The following CNOT6L variants were observed in gnomAD, a reference collection of about 807,000 sequenced individuals.
The protein encoded by CNOT6L is CCR4-NOT transcription complex subunit 6 like.
Under a neutral mutation model 64.0 loss-of-function variants are expected in CNOT6L, and 7 were observed. That is an observed-to-expected ratio of 0.11 (90% CI 0.06 to 0.21). The LOEUF (loss-of-function observed/expected upper bound fraction) is 0.21. Among genes scored for constraint, CNOT6L ranks in the 10% least tolerant of loss-of-function variants. The pLI, the probability that CNOT6L is intolerant of heterozygous loss-of-function variation, is 1.00. For synonymous variants in CNOT6L, 193 were observed against 243.4 expected (o/e 0.79, Z 1.93); for missense variants, 245 against 669.0 (o/e 0.37, Z 6.99).
rs72864936 is a variant in CNOT6L, at chr4:77,747,051, A to C, written c.559+1265T>G. Among the ~76,000 whole-genome samples, 272 of 152,204 alleles carry C rather than the reference A, an allele frequency of 1.8e-3. 2 individuals are homozygous for C. Among genetic ancestry groups the C allele is most frequent in the African/African-American group, 5.5e-3 (227 of 41,532 alleles). On this transcript the variant is annotated intron_variant, in intron 6 of 11. Coordinates refer to ENST00000504123, the MANE Select transcript of CNOT6L (RefSeq NM_144571.3). ...ACATTTCCAAATACTAAAAAAAAAA[A>C]AGACTTGTTCTGAATCCTCTTAACT...
intron 6 of CNOT6L, 100 bp from the exon 7 acceptor site, chr4:77,744,975 C>T (rs930476126): frequency 2.0e-5 from 16 of 809,152 alleles, no homozygotes; most frequent in East Asian, 2.9e-5. Context: ...CACACACATA[C>T]GCCACATATC....
At chr4:77,755,412 T>C (rs1351641248) in intron 5 of CNOT6L, among the ~76,000 whole-genome samples, 1 of 151,928 alleles carries the variant, frequency 6.6e-6, no homozygotes, top group Non-Finnish European at 1.5e-5. Flanking sequence ...GAGATGAGGT[T>C]TCACCGTGTT....
chr4:77,750,996 C>CA (rs1371250971), intron 5 of CNOT6L, among the ~76,000 whole-genome samples: 1 of 152,076 alleles, frequency 6.6e-6, no homozygotes, highest in Non-Finnish European at 1.5e-5. Flanking sequence ...GTCCAGGGTA[C>CA]AAATAAAAAG....
chr4:77,779,056 A>C (rs868614604), intron 1 of CNOT6L, among the ~76,000 whole-genome samples: 11 of 95,276 alleles, frequency 1.2e-4, no homozygotes, highest in Non-Finnish European at 2.1e-4. Context: ...CAAAAAAAAA[A>C]AAAAAACAAA....
chr4:77,795,287 G>A (rs1404530339), intron 1 of CNOT6L, among the ~76,000 whole-genome samples: 1 of 152,096 alleles, frequency 6.6e-6, no homozygotes, highest in East Asian at 1.9e-4. Flanking sequence ...CCAAAGTGCT[G>A]AGATTACAGG....
intron 8 of CNOT6L, among the ~76,000 whole-genome samples, chr4:77,736,538 C>G (rs145697256): frequency 1.9e-5 from 1 of 53,856 alleles, no homozygotes; most frequent in African/African-American, 4.2e-5. Flanking sequence ...TCTGCATCTA[C>G]TTTGTTTCAC....
At chr4:77,751,756 A>G (rs1724887820) in intron 5 of CNOT6L, among the ~76,000 whole-genome samples, 1 of 152,264 alleles carries the variant, frequency 6.6e-6, no homozygotes, top group Non-Finnish European at 1.5e-5. Context: ...GACTGAAAGA[A>G]AAGAACTGTC....
chr4:77,779,939 G>A (rs959163413), intron 1 of CNOT6L, among the ~76,000 whole-genome samples: 3 of 152,124 alleles, frequency 2.0e-5, no homozygotes, highest in Non-Finnish European at 2.9e-5. Context: ...ACTCCAGCCT[G>A]GGCAACAGAG....
chr4:77,752,499 T>C (rs1055315313), intron 5 of CNOT6L, among the ~76,000 whole-genome samples: 1 of 152,156 alleles, frequency 6.6e-6, no homozygotes, highest in African/African-American at 2.4e-5. Context: ...AATAAATATT[T>C]TTAACATTTA....
rs1353989276 is a variant in CNOT6L at position 77,716,710 on chromosome 4, TTAATATA to T, written c.*3714_*3720del. 2 of 152,518 alleles carry T rather than the reference TTAATATA, an allele frequency of 1.3e-5. No individual in the cohort carries two copies. Among genetic ancestry groups the T allele is most frequent in the Non-Finnish European group, 2.9e-5 (2 of 68,002 alleles). 9.4% of individuals were successfully genotyped at this position (152,518 alleles called of 1,614,324 possible). ...ACTTTCTCCCTTGCTTCTCTGTGATTTAATATATAACTTTAAGACACCAAAAAAATAG... is the reference window on the plus strand; with the variant it reads ...ACTTTCTCCCTTGCTTCTCTGTGATTTAACTTTAAGACACCAAAAAAATAG... On this transcript the variant is annotated 3_prime_UTR_variant, in exon 12 of 12. Transcript: ENST00000504123.
At chr4:77,801,983 C>A (rs1197739304) in intron 1 of CNOT6L, among the ~76,000 whole-genome samples, 1 of 152,134 alleles carries the variant, frequency 6.6e-6, no homozygotes, top group Non-Finnish European at 1.5e-5. Context: ...ATTTATTTCC[C>A]ATTTCTTTCT....
chr4:77,726,476 C>T, intron 10 of CNOT6L, 107 bp from the exon 11 acceptor site: 1 of 834,698 alleles, frequency 1.2e-6, no homozygotes, highest in Non-Finnish European at 1.8e-6. Flanking sequence ...GAGTGGTCTT[C>T]TTAGGTTGAG....
At chr4:77,810,692 ATTG>A (rs1732833502) in intron 1 of CNOT6L, among the ~76,000 whole-genome samples, 1 of 152,124 alleles carries the variant, frequency 6.6e-6, no homozygotes, top group Admixed American at 6.5e-5. Flanking sequence ...ACATAATAAT[ATTG>A]TTAACTATAG....
intron 4 of CNOT6L, among the ~76,000 whole-genome samples, chr4:77,760,659 G>A (rs1179028844): frequency 2.7e-5 from 4 of 150,472 alleles, no homozygotes; most frequent in Non-Finnish European, 3.0e-5. Context: ...TGACCAGAAC[G>A]AAAAGACACA....
intron 4 of CNOT6L, 24 bp downstream of exon 4, chr4:77,773,057 C>G: frequency 6.5e-7 from 1 of 1,526,740 alleles, no homozygotes; most frequent in Non-Finnish European, 8.9e-7. Flanking sequence ...CAGAATACCT[C>G]AAAACTGTTT....
chr4:77,783,219 C>A (rs188924749), intron 1 of CNOT6L, among the ~76,000 whole-genome samples: 5 of 144,512 alleles, frequency 3.5e-5, no homozygotes, highest in African/African-American at 1.0e-4. Flanking sequence ...AAAAAAATAA[C>A]CTTCAGACTT....
intron 10 of CNOT6L, among the ~76,000 whole-genome samples, chr4:77,727,772 CTTAAGAAAGGA>C (rs944624250): frequency 1.3e-5 from 2 of 150,346 alleles, no homozygotes; most frequent in Admixed American, 6.6e-5. Context: ...AGTAATTCAA[CTTAAGAAAGGA>C]TTAAGAAAGG....
At chr4:77,735,534 A>G (rs1207394989) in intron 8 of CNOT6L, among the ~76,000 whole-genome samples, 1 of 152,180 alleles carries the variant, frequency 6.6e-6, no homozygotes, top group Non-Finnish European at 1.5e-5. Context: ...TTAATACCAT[A>G]AGATATAATT....
chr4:77,743,977 T>C (rs1723908606), intron 7 of CNOT6L, among the ~76,000 whole-genome samples: 1 of 152,190 alleles, frequency 6.6e-6, no homozygotes, highest in Non-Finnish European at 1.5e-5. Flanking sequence ...ATTAGCCTCA[T>C]TTGATCATTT....
Sources: allele counts gnomAD v4.1 joint callset (sites outside exome capture counted in the v4.1 genomes callset), GRCh38; gene constraint gnomAD v4.1.1; transcripts MANE v1.5; gene names NCBI Gene and HGNC (gene_info 2026-07-23, HGNC 2026-07-21).